Variants in SULT1C4 observed in about 807,000 individuals in gnomAD.
The protein encoded by SULT1C4 is sulfotransferase family 1C member 4.
SULT1C4 carries 32 observed loss-of-function variants against 34.8 expected under a neutral mutation model. The ratio of observed to expected loss-of-function variants is 0.92; its 90% CI spans 0.69 to 1.23. The LOEUF (loss-of-function observed/expected upper bound fraction) is 1.23, where lower values mean the gene tolerates loss of function less well. Ranked by LOEUF, SULT1C4 falls within the 50% of genes most tolerant of loss-of-function variation. The pLI, the probability that SULT1C4 is intolerant of heterozygous loss-of-function variation, is 0.00. For missense variants in SULT1C4, 375 were observed against 365.9 expected (o/e 1.02, Z -0.20); for synonymous variants, 111 against 120.5 (o/e 0.92, Z 0.51).
Position 108,378,126 on chromosome 2 carries a change from A to G in SULT1C4, c.-212A>G, listed in dbSNP as rs1678291317. ...GTTCCTCAGGAAACTGCCAGTGGACAAAGTCATAAACAAGAGTTCCAGTTC... is the reference window on the plus strand; with the variant it reads ...GTTCCTCAGGAAACTGCCAGTGGACGAAGTCATAAACAAGAGTTCCAGTTC... On this transcript the variant is annotated 5_prime_UTR_variant, in exon 1 of 7. Transcript: ENST00000272452. 2.5e-6 allele frequency: 1 copy of G among 395,588 alleles called. No homozygotes were observed. 24.5% of individuals were successfully genotyped at this position (395,588 alleles called of 1,614,324 possible). A position where few individuals can be genotyped will look rare whatever the true frequency, so the allele number is the denominator to read the frequency against.
chr2:108,384,058 CG>C (rs1286530738), intron 5 of SULT1C4, among the ~76,000 whole-genome samples: 1 of 151,334 alleles, frequency 6.6e-6, no homozygotes, highest in Non-Finnish European at 1.5e-5. Flanking sequence ...TAGTAGAAAC[CG>C]GGTTTCACCA....
Position 108,383,193 on chromosome 2 carries a change from A to G in SULT1C4, c.494A>G (p.Tyr165Cys). Residue 165 changes from tyrosine (Y) to cysteine (C), a missense_variant, in exon 4 of 7, where the codon TAT (tyrosine) becomes TGT (cysteine). By Grantham distance (194) the Tyr-to-Cys change is radical. Transcript: ENST00000272452. The part of the protein sequence containing the change: ...ALPAPGTWEE[Y>C]FETFLAGKVC... Reference sequence around the variant, plus strand: ...CCTGCTCCAGGAACATGGGAAGAGTATTTTGAGACTTTTCTGGCTGGGAAA... The same window carrying G: ...CCTGCTCCAGGAACATGGGAAGAGTGTTTTGAGACTTTTCTGGCTGGGAAA... 6.2e-7 allele frequency: 1 copy of G among 1,610,360 alleles called. No homozygotes were observed. Among genetic ancestry groups the G allele is most frequent in the Non-Finnish European group, 8.5e-7 (1 of 1,179,254 alleles).
chr2:108,379,884 C>T (rs1449660963), intron 1 of SULT1C4, among the ~76,000 whole-genome samples: 2 of 152,212 alleles, frequency 1.3e-5, no homozygotes, highest in African/African-American at 2.4e-5. Flanking sequence ...ACATTTGAAT[C>T]TGCCCTCATG....
At chr2:108,382,664 G>C in intron 3 of SULT1C4, 182 bp downstream of exon 3, 1 of 574,778 alleles carries the variant, frequency 1.7e-6, no homozygotes, top group Non-Finnish European at 3.1e-6. Flanking sequence ...AGCATTTTGG[G>C]AGACTGAGAT....
At position 108,387,686 on chromosome 2, in the gene SULT1C4, C is replaced by A; in HGVS notation, c.*254C>A. On this transcript the variant is annotated 3_prime_UTR_variant, in exon 7 of 7. Coordinates refer to ENST00000272452, the MANE Select transcript of SULT1C4 (RefSeq NM_006588.4). ...CAATCCTGGTATCATTGCCAATTAT[C>A]ATCATATTTACATTTTCTACAATCA... 5.3e-6 allele frequency: 2 copies of A among 376,764 alleles called. No individual in the cohort carries two copies. The highest frequency in any genetic ancestry group is 9.5e-6 in the Non-Finnish European group (2 of 211,118). 23.3% of individuals were successfully genotyped at this position (376,764 alleles called of 1,614,324 possible).
intron 5 of SULT1C4, 66 bp downstream of exon 5, chr2:108,383,576 C>A: frequency 7.1e-7 from 1 of 1,416,248 alleles, no homozygotes; most frequent in Non-Finnish European, 9.7e-7. Context: ...AATGCATTGA[C>A]CCCATCAGGG....
chr2:108,380,468 C>T (rs1399448987), intron 1 of SULT1C4, among the ~76,000 whole-genome samples: 1 of 152,096 alleles, frequency 6.6e-6, no homozygotes, highest in African/African-American at 2.4e-5. Flanking sequence ...GAGCTAGGAT[C>T]CCACCACTGT....
chr2:108,381,469 T>C (rs887036547), intron 1 of SULT1C4, among the ~76,000 whole-genome samples: 1 of 152,018 alleles, frequency 6.6e-6, no homozygotes, highest in African/African-American at 2.4e-5. Flanking sequence ...CTGGGCAACA[T>C]GGTAAAATGC....
At chr2:108,386,150 A>G (rs774170137) in intron 5 of SULT1C4, 42 bp from the exon 6 acceptor site, 2 of 1,350,668 alleles carry the variant, frequency 1.5e-6, no homozygotes, top group Non-Finnish European at 1.9e-6. Flanking sequence ...TTTTTAAACT[A>G]ATTCTATTAA....
At chr2:108,386,483 T>G (rs2104349200) in intron 6 of SULT1C4, 111 bp downstream of exon 6, 1 of 871,610 alleles carries the variant, frequency 1.1e-6, no homozygotes, top group East Asian at 3.3e-5. Context: ...TAATAAATGA[T>G]TTGGGGAAAA....
chr2:108,385,317 AG>A (rs1412123177), intron 5 of SULT1C4, among the ~76,000 whole-genome samples: 2 of 152,186 alleles, frequency 1.3e-5, no homozygotes, highest in Non-Finnish European at 2.9e-5. Context: ...TATGCATGCC[AG>A]GAAGAAACTT....
intron 2 of SULT1C4, chr2:108,382,091 G>T: frequency 1.7e-6 from 1 of 603,096 alleles, no homozygotes; most frequent in East Asian, 3.2e-5. Flanking sequence ...GTTAAATTTT[G>T]TTTCTCTAGT....
At chr2:108,383,051 GT>G (rs774283866) in intron 3 of SULT1C4, 41 bp from the exon 4 acceptor site, 6 of 1,462,504 alleles carry the variant, frequency 4.1e-6, no homozygotes, top group Admixed American at 2.4e-5. Flanking sequence ...AAAAATTCCT[GT>G]TTTTTTGCTT....
chr2:108,378,566 A>G lies in SULT1C4; in HGVS notation c.169+60A>G, dbSNP rs894206264. ...GAGAGTTAGGAAGGTAAGTGGAAGT[A>G]TGCATTAGTCATGAAATAAAGAAGT... On this transcript the variant is annotated intron_variant, in intron 1 of 6. Transcript: ENST00000272452. The G allele has an allele frequency of 1.0e-5, 16 of 1,551,236 alleles. No individual in the cohort carries two copies. In the African/African-American group the frequency reaches 1.8e-4, roughly 17 times the overall value.
chr2:108,387,472 G>A lies in SULT1C4; in HGVS notation c.*40G>A. ...TGAAAATGTTTTAGTTTATTACCCA[G>A]TATATTTGGGTAATAATGAAAGTTT... On this transcript the variant is annotated 3_prime_UTR_variant, in exon 7 of 7. Coordinates refer to ENST00000272452, the MANE Select transcript of SULT1C4 (RefSeq NM_006588.4). 8.0e-7 allele frequency: 1 copy of A among 1,253,438 alleles called. No homozygotes were observed. The highest frequency in any genetic ancestry group is 1.1e-6 in the Non-Finnish European group (1 of 871,518). 77.6% of individuals were successfully genotyped at this position (1,253,438 alleles called of 1,614,324 possible).
chr2:108,382,525 A>T, intron 3 of SULT1C4, 43 bp downstream of exon 3: 1 of 1,462,926 alleles, frequency 6.8e-7, no homozygotes, highest in Non-Finnish European at 9.6e-7. Flanking sequence ...CCTTAAAACA[A>T]CCTTAGTCTT....
chr2:108,378,420 C>T lies in SULT1C4; in HGVS notation c.83C>T (p.Pro28Leu), dbSNP rs919454704. ...SVNYVKGILQ[P>L]TDTCDIWDKI... is the part of the protein sequence containing the mutation. ...AACTACGTGAAGGGAATTCTTCAAC[C>T]GACAGACACCTGTGACATCTGGGAT... The change falls in exon 1 of 7, where the codon CCG (proline) becomes CTG (leucine). Residue 28 changes from proline to leucine, a missense_variant. Pro to Leu is a moderately conservative substitution (Grantham distance 98, BLOSUM62 -3). Coordinates refer to ENST00000272452, the MANE Select transcript of SULT1C4 (RefSeq NM_006588.4). 9 of 1,614,024 alleles carry T rather than the reference C, an allele frequency of 5.6e-6. No homozygotes were observed. The highest frequency in any genetic ancestry group is 4.0e-5 in the African/African-American group (3 of 74,906).
At chr2:108,386,457 G>A in intron 6 of SULT1C4, 85 bp downstream of exon 6, 2 of 1,039,816 alleles carry the variant, frequency 1.9e-6, no homozygotes, top group Middle Eastern at 3.3e-4. Context: ...CCTGTGTCTA[G>A]GAAAAATAAT....
chr2:108,384,138 G>A (rs1338234014), intron 5 of SULT1C4, among the ~76,000 whole-genome samples: 1 of 151,954 alleles, frequency 6.6e-6, no homozygotes, highest in African/African-American at 2.4e-5. Flanking sequence ...TAAAATGCTA[G>A]GATTACAGGC....
Sources: gnomAD v4.1 joint callset for allele counts (sites outside exome capture counted in the v4.1 genomes callset) on GRCh38, gnomAD v4.1.1 for gene constraint, MANE v1.5 for transcripts, NCBI Gene and HGNC (gene_info 2026-07-23, HGNC 2026-07-21) for gene names.